GLIS3: variants seen among roughly 807,000 people sequenced by gnomAD.
GLIS3 encodes GLIS family zinc finger 3.
GLIS3 carries 53 observed loss-of-function variants against 78.6 expected under a neutral mutation model. That is an observed-to-expected ratio of 0.67 (90% CI 0.54 to 0.85). GLIS3 has a LOEUF of 0.85. GLIS3 is among the 40% of genes least tolerant of loss of function. The pLI, the probability that GLIS3 is intolerant of heterozygous loss-of-function variation, is 0.00. For synonymous variants in GLIS3, 684 were observed against 509.9 expected, an observed-to-expected ratio of 1.34 and a Z score of -4.60; for missense variants, 1,703 against 1,231.1, an observed-to-expected ratio of 1.38 and a Z score of -5.74.
At chr9:4,191,947 G>A (rs1014125105) in intron 2 of GLIS3, among the ~76,000 whole-genome samples, 1 of 152,040 alleles carries the variant, frequency 6.6e-6, no homozygotes, top group Non-Finnish European at 1.5e-5. Context: ...GTTAAAGGAG[G>A]TTGGAAGTGA....
chr9:4,023,402 G>A (rs944246525), intron 4 of GLIS3, among the ~76,000 whole-genome samples: 1 of 152,144 alleles, frequency 6.6e-6, no homozygotes, highest in Non-Finnish European at 1.5e-5. Context: ...ACAATCTAGA[G>A]TGAGCCTGCT....
rs1281728120 is a variant in GLIS3 at position 4,125,739 on chromosome 9, A to G, written c.591T>C (p.Asp197=). ...AAAAAAAGTTAACTTGAGACCTGGT[A>G]TCTGAAGGAGGTATATTCAGGTTGG... is the stretch of plus-strand genomic sequence containing the variant. ...NAANLNIPPS[D]TRSLISRESL... is the part of the protein sequence containing the mutation. The change falls in exon 3 of 11, where the codon GAT becomes GAC. Residue 197 remains aspartate, a synonymous_variant. Coordinates refer to ENST00000381971, the MANE Select transcript of GLIS3 (RefSeq NM_001042413.2). 6.2e-7 allele frequency: 1 copy of G among 1,612,822 alleles called. No individual in the cohort carries two copies. Among genetic ancestry groups the G allele is most frequent in the Admixed American group, 1.7e-5 (1 of 59,998 alleles).
intron 2 of GLIS3, among the ~76,000 whole-genome samples, chr9:4,213,707 G>C (rs1304153686): frequency 6.6e-6 from 1 of 152,146 alleles, no homozygotes; most frequent in South Asian, 2.1e-4. Flanking sequence ...AAAAGCACTA[G>C]GCACGTAATA....
chr9:4,210,223 T>C (rs1052695760), intron 2 of GLIS3, among the ~76,000 whole-genome samples: 1 of 152,230 alleles, frequency 6.6e-6, no homozygotes, highest in Non-Finnish European at 1.5e-5. Context: ...CATCAGAAAG[T>C]ACCTATTATG....
At chr9:4,358,837 A>G in the GLIS3 span, among the ~76,000 whole-genome samples, 7 of 152,200 alleles carry the variant, frequency 4.6e-5, no homozygotes, top group African/African-American at 1.7e-4. Flanking sequence ...TGTAAGATGT[A>G]AAATCTTAGT....
chr9:4,419,884 C>A, the GLIS3 span, among the ~76,000 whole-genome samples: 11 of 152,254 alleles, frequency 7.2e-5, no homozygotes, highest in East Asian at 1.9e-3. Context: ...CCCCCATGAT[C>A]AAATCATCTC....
chr9:4,133,429 C>G lies in GLIS3; in HGVS notation c.389-7488G>C, dbSNP rs79177665. Among the ~76,000 whole-genome samples, 1,172 of 152,206 alleles carry G rather than the reference C, an allele frequency of 7.7e-3. 51 individuals carry two copies. Among genetic ancestry groups the G allele is most frequent in the Admixed American group, 0.067 (1,017 of 15,276 alleles). Reference sequence around the variant, plus strand: ...CACCAACTAGGGTTGGGATATCACTCGACACTTGGGTACTAAAAACAGACA... The same window carrying G: ...CACCAACTAGGGTTGGGATATCACTGGACACTTGGGTACTAAAAACAGACA... On this transcript the variant is annotated intron_variant, in intron 2 of 10. Transcript: ENST00000381971.
the GLIS3 span, among the ~76,000 whole-genome samples, chr9:4,488,816 G>A: frequency 6.6e-6 from 1 of 152,030 alleles, no homozygotes; most frequent in African/African-American, 2.4e-5. Flanking sequence ...TCGCGCCCGG[G>A]ACTATTCTCC....
At chr9:4,262,721 G>A (rs566830669) in intron 2 of GLIS3, among the ~76,000 whole-genome samples, 6 of 152,120 alleles carry the variant, frequency 3.9e-5, no homozygotes, top group African/African-American at 1.4e-4. Flanking sequence ...TCTAACTTTG[G>A]AATTAGATGG....
chr9:4,390,229 T>A, the GLIS3 span, among the ~76,000 whole-genome samples: 83 of 152,354 alleles, frequency 5.4e-4, no homozygotes, highest in African/African-American at 1.9e-3. Context: ...AAGTATGCAA[T>A]CACTTCTATG....
At chr9:4,138,040 G>A (rs946622404) in intron 2 of GLIS3, among the ~76,000 whole-genome samples, 1 of 152,182 alleles carries the variant, frequency 6.6e-6, no homozygotes, top group Non-Finnish European at 1.5e-5. Context: ...TTGTGTCCCT[G>A]CTCTGTGCTA....
intron 2 of GLIS3, among the ~76,000 whole-genome samples, chr9:4,243,572 T>C (rs1182309272): frequency 2.6e-5 from 4 of 152,244 alleles, no homozygotes; most frequent in Non-Finnish European, 4.4e-5. Context: ...GTTATTTTGC[T>C]GGTTATTTTG....
chr9:3,909,874 T>C (rs866434658), intron 6 of GLIS3, among the ~76,000 whole-genome samples: 3 of 152,212 alleles, frequency 2.0e-5, no homozygotes, highest in Non-Finnish European at 4.4e-5. Flanking sequence ...CCACTAGCCA[T>C]GTGTGACTAA....
rs371478844 is a variant in GLIS3, at chr9:4,183,065, G to T, written c.389-57124C>A. Among the ~76,000 whole-genome samples, 18 of 152,304 alleles carry T rather than the reference G, an allele frequency of 1.2e-4. No individual in the cohort carries two copies. In the East Asian group the frequency reaches 3.1e-3, roughly 26 times the overall value. ...AGTGGTGAGGCCCACGTGCTGTCTG[G>T]AAGTCATTTCCTGTGATGCTATTTG... On this transcript the variant is annotated intron_variant, in intron 2 of 10. Coordinates refer to ENST00000381971, the MANE Select transcript of GLIS3 (RefSeq NM_001042413.2).
intron 2 of GLIS3, among the ~76,000 whole-genome samples, chr9:4,317,537 T>G (rs547932292): frequency 5.3e-5 from 8 of 152,324 alleles, no homozygotes; most frequent in Non-Finnish European, 1.0e-4. Flanking sequence ...GAAATAACAA[T>G]GGCAAAAAAT....
intron 2 of GLIS3, among the ~76,000 whole-genome samples, chr9:4,345,188 G>A (rs148508285): frequency 7.0e-4 from 107 of 152,176 alleles, no homozygotes; most frequent in African/African-American, 1.6e-3. Context: ...GGGCCCCTGC[G>A]TTACCTCTGT....
chr9:4,117,024 CAGAG>C (rs377744627), intron 4 of GLIS3, among the ~76,000 whole-genome samples: 2 of 152,120 alleles, frequency 1.3e-5, no homozygotes, highest in Non-Finnish European at 2.9e-5. Context: ...TGCCAAGAAA[CAGAG>C]AGAGTTCCAG....
In GLIS3 at chr9:3,925,472, G is replaced by A. The variant is rs185139229; in HGVS notation, c.1983+6888C>T. Among the ~76,000 whole-genome samples the A allele has an allele frequency of 4.6e-5, 7 of 152,272 alleles. No homozygotes were observed. The East Asian group carries it at 1.4e-3, about 29-fold the overall frequency. Reference sequence around the variant, plus strand: ...AAAAAATCGATTCCTGGCCAGAGCTGGTGTCTGTGTGAAGTGTTCTCCCCA... The same window carrying A: ...AAAAAATCGATTCCTGGCCAGAGCTAGTGTCTGTGTGAAGTGTTCTCCCCA... On this transcript the variant is annotated intron_variant, in intron 6 of 10. Coordinates refer to ENST00000381971, the MANE Select transcript of GLIS3 (RefSeq NM_001042413.2).
At chr9:3,927,598 T>C (rs1342931534) in intron 6 of GLIS3, among the ~76,000 whole-genome samples, 1 of 152,240 alleles carries the variant, frequency 6.6e-6, no homozygotes, top group Non-Finnish European at 1.5e-5. Flanking sequence ...TATCTTTCGA[T>C]ATTTTTCTGT....
Sources: allele counts gnomAD v4.1 joint callset (sites outside exome capture counted in the v4.1 genomes callset), GRCh38; gene constraint gnomAD v4.1.1; transcripts MANE v1.5; gene names NCBI Gene and HGNC (gene_info 2026-07-23, HGNC 2026-07-21).